Variants in SCHIP1 observed in about 807,000 individuals in gnomAD.
SCHIP1 encodes the protein schwannomin interacting protein 1.
Under a neutral mutation model 29.7 loss-of-function variants are expected in SCHIP1, and 8 were observed. The observed-to-expected ratio is 0.27, with a 90% CI of 0.16 to 0.49. The LOEUF (loss-of-function observed/expected upper bound fraction) is 0.49. Among genes scored for constraint, SCHIP1 ranks in the 20% least tolerant of loss-of-function variants. SCHIP1 has a pLI of 0.99. For synonymous variants in SCHIP1, 76 were observed against 94.9 expected (o/e 0.80, Z 1.16); for missense variants, 193 against 294.6 (o/e 0.66, Z 2.52).
the SCHIP1 span, among the ~76,000 whole-genome samples, chr3:159,596,500 G>A: frequency 2.9e-4 from 44 of 152,240 alleles, no homozygotes; most frequent in African/African-American, 8.7e-4. Context: ...ACATGCACAC[G>A]TATGTTTATT....
chr3:159,305,592 G>A, the SCHIP1 span, among the ~76,000 whole-genome samples: 1 of 152,006 alleles, frequency 6.6e-6, no homozygotes, highest in African/African-American at 2.4e-5. Flanking sequence ...CATTTCCACT[G>A]GTTCCTTCTT....
At chr3:159,386,798 A>AACTT in the SCHIP1 span, 3 of 152,424 alleles carry the variant, frequency 2.0e-5, no homozygotes, top group Non-Finnish European at 4.4e-5. Context: ...TGTGTGTGGA[A>AACTT]ACTTGTGTGG....
the SCHIP1 span, among the ~76,000 whole-genome samples, chr3:159,704,094 TG>T: frequency 6.6e-6 from 1 of 152,134 alleles, no homozygotes; most frequent in Non-Finnish European, 1.5e-5. Flanking sequence ...GAGGCTAAGC[TG>T]GGGCTCAGAA....
the SCHIP1 span, among the ~76,000 whole-genome samples, chr3:159,556,570 AT>A: frequency 2.0e-5 from 3 of 152,126 alleles, no homozygotes; most frequent in African/African-American, 7.2e-5. Flanking sequence ...CATATACACC[AT>A]GGAACACTAT....
the SCHIP1 span, among the ~76,000 whole-genome samples, chr3:159,443,340 T>A: frequency 3.3e-5 from 5 of 152,326 alleles, no homozygotes; most frequent in African/African-American, 1.2e-4. Flanking sequence ...CCTAAATATA[T>A]GATAACCAGT....
chr3:159,849,238 A>G (rs963303502), intron 1 of SCHIP1, among the ~76,000 whole-genome samples: 7 of 152,138 alleles, frequency 4.6e-5, no homozygotes, highest in African/African-American at 1.7e-4. Context: ...TTACTATATT[A>G]CTAGTACACA....
At chr3:159,492,090 C>T in the SCHIP1 span, among the ~76,000 whole-genome samples, 1 of 152,144 alleles carries the variant, frequency 6.6e-6, no homozygotes, top group Admixed American at 6.5e-5. Context: ...CACACCAAAA[C>T]CCCATCTGTA....
chr3:159,686,110 C>T, the SCHIP1 span, among the ~76,000 whole-genome samples: 3 of 152,306 alleles, frequency 2.0e-5, no homozygotes, highest in South Asian at 2.1e-4. Context: ...TAAACTGGAA[C>T]ACAAAAGGCT....
chr3:159,845,597 G>T (rs369375014), intron 1 of SCHIP1: 10 of 152,024 alleles, frequency 6.6e-5, no homozygotes, highest in African/African-American at 2.4e-4. Flanking sequence ...GGCCAGACTG[G>T]TCTCAAACTT....
At chr3:159,450,740 C>A in the SCHIP1 span, among the ~76,000 whole-genome samples, 1 of 152,036 alleles carries the variant, frequency 6.6e-6, no homozygotes, top group Non-Finnish European at 1.5e-5. Context: ...AATTTTGAAG[C>A]CTTTACATGA....
the SCHIP1 span, among the ~76,000 whole-genome samples, chr3:159,656,482 G>C: frequency 0.093 from 14,091 of 151,930 alleles, 2,061 homozygotes; most frequent in African/African-American, 0.32. Context: ...CAGTTGCCAG[G>C]TGGCAACTGA....
chr3:159,624,886 T>G, the SCHIP1 span, among the ~76,000 whole-genome samples: 7 of 152,202 alleles, frequency 4.6e-5, no homozygotes, highest in African/African-American at 1.7e-4. Context: ...AGCCTAAACT[T>G]GTAGCTTCCC....
chr3:159,660,009 T>C, the SCHIP1 span, among the ~76,000 whole-genome samples: 3 of 152,186 alleles, frequency 2.0e-5, no homozygotes, highest in South Asian at 2.1e-4. Flanking sequence ...GGGGATTATA[T>C]TGAAATCTTT....
chr3:159,582,616 G>T, the SCHIP1 span, among the ~76,000 whole-genome samples: 2 of 151,926 alleles, frequency 1.3e-5, no homozygotes, highest in Non-Finnish European at 2.9e-5. Flanking sequence ...TAATGCTATT[G>T]CACACTTAAT....
the SCHIP1 span, among the ~76,000 whole-genome samples, chr3:159,443,896 C>T: frequency 6.6e-6 from 1 of 152,042 alleles, no homozygotes; most frequent in Non-Finnish European, 1.5e-5. Context: ...GAGGATGAGG[C>T]CAGTTTCTGT....
chr3:159,755,603 C>T, the SCHIP1 span, among the ~76,000 whole-genome samples: 2,769 of 152,246 alleles, frequency 0.018, 76 homozygotes, highest in African/African-American at 0.061. Context: ...CATTTGAAAA[C>T]GAATCATGCC....
At chr3:159,723,987 T>C in the SCHIP1 span, among the ~76,000 whole-genome samples, 1 of 152,208 alleles carries the variant, frequency 6.6e-6, no homozygotes, top group African/African-American at 2.4e-5. Flanking sequence ...ATACATTTGA[T>C]GCATATTGCC....
chr3:159,588,462 T>G, the SCHIP1 span, among the ~76,000 whole-genome samples: 654 of 152,338 alleles, frequency 4.3e-3, 10 homozygotes, highest in African/African-American at 0.015. Flanking sequence ...AGAAGCTCTT[T>G]AGTTTAATTA....
chr3:159,416,039 A>G, the SCHIP1 span, among the ~76,000 whole-genome samples: 4 of 150,720 alleles, frequency 2.7e-5, no homozygotes, highest in African/African-American at 7.3e-5. Flanking sequence ...CAAACAGTCA[A>G]ACTGATGGCC....
Sources: allele counts gnomAD v4.1 joint callset (sites outside exome capture counted in the v4.1 genomes callset), GRCh38; gene constraint gnomAD v4.1.1; transcripts MANE v1.5; gene names NCBI Gene and HGNC (gene_info 2026-07-23, HGNC 2026-07-21).